Variants in LHFPL6 observed in about 807,000 individuals in gnomAD.
LHFPL6 encodes the protein LHFPL tetraspan subfamily member 6 protein.
LHFPL6 carries 9 observed loss-of-function variants against 20.6 expected under a neutral mutation model. The observed-to-expected ratio is 0.44, with a 90% CI of 0.26 to 0.76. The LOEUF (loss-of-function observed/expected upper bound fraction) is 0.76, where lower values mean the gene tolerates loss of function less well. Ranked by LOEUF, LHFPL6 falls within the 30% of genes least tolerant of loss-of-function variation. The pLI is 0.20. For missense variants in LHFPL6, 218 were observed against 253.5 expected (o/e 0.86, Z 0.95); for synonymous variants, 105 against 98.7 (o/e 1.06, Z -0.38).
At chr13:39,480,182 A>C (rs1239711917) in intron 2 of LHFPL6, among the ~76,000 whole-genome samples, 1 of 152,234 alleles carries the variant, frequency 6.6e-6, no homozygotes, top group Non-Finnish European at 1.5e-5. Flanking sequence ...ACAAAGTGTT[A>C]GAAAAGAACA....
At position 39,546,933 on chromosome 13, in the gene LHFPL6, T is replaced by G. The variant is rs186912017; in HGVS notation, c.385+53899A>C. Among the ~76,000 whole-genome samples, 99 of 152,194 alleles carry G rather than the reference T, an allele frequency of 6.5e-4. 2 individuals carry two copies. Among genetic ancestry groups the G allele is most frequent in the African/African-American group, 2.2e-3 (93 of 41,466 alleles). Reference sequence around the variant, plus strand: ...ACCCTTCAGCAAATTCCCATTGCTTTGAAGACTAAAGATCCTTAATATGGC... The same window carrying G: ...ACCCTTCAGCAAATTCCCATTGCTTGGAAGACTAAAGATCCTTAATATGGC... On this transcript the variant is annotated intron_variant, in intron 2 of 3. Transcript: ENST00000379589.
chr13:39,514,889 C>T (rs1016399531), intron 2 of LHFPL6, among the ~76,000 whole-genome samples: 2 of 152,230 alleles, frequency 1.3e-5, no homozygotes, highest in African/African-American at 4.8e-5. Flanking sequence ...GGCAGGGACT[C>T]TATCCCCCAC....
intron 2 of LHFPL6, among the ~76,000 whole-genome samples, chr13:39,499,728 G>C (rs1869228744): frequency 6.6e-6 from 1 of 152,238 alleles, no homozygotes; most frequent in African/African-American, 2.4e-5. Flanking sequence ...AGCTGGCACA[G>C]AGATGGTAAG....
At chr13:39,409,813 G>T (rs1438494687) in intron 2 of LHFPL6, among the ~76,000 whole-genome samples, 2 of 152,194 alleles carry the variant, frequency 1.3e-5, no homozygotes, top group African/African-American at 4.8e-5. Context: ...AAAAGGAAAA[G>T]AAACAATTCC....
intron 3 of LHFPL6, among the ~76,000 whole-genome samples, chr13:39,365,153 C>T (rs1039832695): frequency 6.6e-6 from 1 of 152,122 alleles, no homozygotes; most frequent in Non-Finnish European, 1.5e-5. Context: ...CATGGACTGC[C>T]CAGAAGACAG....
At chr13:39,518,650 C>T (rs1870005937) in intron 2 of LHFPL6, among the ~76,000 whole-genome samples, 1 of 152,160 alleles carries the variant, frequency 6.6e-6, no homozygotes, top group African/African-American at 2.4e-5. Context: ...TCTCTAAAGG[C>T]CACACCTGTG....
At chr13:39,404,784 A>G (rs1221575671) in intron 2 of LHFPL6, among the ~76,000 whole-genome samples, 2 of 152,112 alleles carry the variant, frequency 1.3e-5, no homozygotes, top group East Asian at 3.9e-4. Context: ...TGCCTCCTAG[A>G]TGGTGTACCC....
chr13:39,526,181 G>C (rs558854769), intron 2 of LHFPL6, among the ~76,000 whole-genome samples: 46 of 152,234 alleles, frequency 3.0e-4, no homozygotes, highest in Non-Finnish European at 4.4e-4. Context: ...TAAGCCCCAG[G>C]AACTTATTCA....
intron 2 of LHFPL6, among the ~76,000 whole-genome samples, chr13:39,472,209 T>C (rs1426640206): frequency 2.0e-5 from 3 of 152,196 alleles, no homozygotes; most frequent in South Asian, 2.1e-4. Context: ...AAATATATAC[T>C]ACCCGGCCAT....
intron 2 of LHFPL6, among the ~76,000 whole-genome samples, chr13:39,467,699 C>A (rs538443666): frequency 6.6e-6 from 1 of 152,176 alleles, no homozygotes; most frequent in Non-Finnish European, 1.5e-5. Flanking sequence ...AAACACCACA[C>A]CTAGGGCCCA....
intron 2 of LHFPL6, among the ~76,000 whole-genome samples, chr13:39,410,430 T>A (rs1871219008): frequency 6.6e-6 from 1 of 152,178 alleles, no homozygotes; most frequent in East Asian, 1.9e-4. Flanking sequence ...AGTATCCCCA[T>A]GGAACACCAC....
intron 2 of LHFPL6, among the ~76,000 whole-genome samples, chr13:39,528,201 A>T: frequency 6.6e-6 from 1 of 152,176 alleles, no homozygotes; most frequent in East Asian, 1.9e-4. Flanking sequence ...CGCCCAGGCC[A>T]GCTCCATACA....
chr13:39,573,722 GA>G (rs550926072), intron 2 of LHFPL6, among the ~76,000 whole-genome samples: 9 of 146,182 alleles, frequency 6.2e-5, no homozygotes, highest in Non-Finnish European at 9.1e-5. Flanking sequence ...AATAACTAAA[GA>G]AAAAAAAAGA....
At chr13:39,523,744 T>C (rs1231079929) in intron 2 of LHFPL6, among the ~76,000 whole-genome samples, 1 of 152,194 alleles carries the variant, frequency 6.6e-6, no homozygotes, top group Non-Finnish European at 1.5e-5. Flanking sequence ...TGCTCTGCTC[T>C]CTAACTAGGT....
chr13:39,552,802 T>C (rs1871177927), intron 2 of LHFPL6, among the ~76,000 whole-genome samples: 1 of 152,194 alleles, frequency 6.6e-6, no homozygotes, highest in African/African-American at 2.4e-5. Context: ...CACAGTTACA[T>C]ATTTAGCCAG....
At chr13:39,345,210 G>A (rs1032211887) in intron 3 of LHFPL6, among the ~76,000 whole-genome samples, 2 of 151,956 alleles carry the variant, frequency 1.3e-5, no homozygotes, top group African/African-American at 4.8e-5. Context: ...GAACATAAAG[G>A]CCATAGATTG....
At chr13:39,465,404 T>G (rs1267064968) in intron 2 of LHFPL6, among the ~76,000 whole-genome samples, 2 of 152,146 alleles carry the variant, frequency 1.3e-5, no homozygotes, top group African/African-American at 4.8e-5. Context: ...CTCTGTGACC[T>G]CCAAATAACT....
Position 39,557,113 on chromosome 13 carries a change from T to C in LHFPL6, c.385+43719A>G, listed in dbSNP as rs1012775941. On this transcript the variant is annotated intron_variant, in intron 2 of 3. Transcript: ENST00000379589. ...ACTAAAAGGGTGCCAAGTGTTACTA[T>C]CCAAGACAACAAGAAAAAGGCCTAG... is the stretch of plus-strand genomic sequence containing the variant. 2.6e-5 allele frequency among the ~76,000 whole-genome samples: 4 copies of C among 152,260 alleles called. No homozygotes were observed. The East Asian group carries it at 5.8e-4, about 22-fold the overall frequency.
intron 2 of LHFPL6, among the ~76,000 whole-genome samples, chr13:39,571,084 A>G (rs1361372012): frequency 6.6e-6 from 1 of 152,196 alleles, no homozygotes; most frequent in Non-Finnish European, 1.5e-5. Flanking sequence ...GAAATGCTGA[A>G]AGATGCCTCA....
Sources: allele counts gnomAD v4.1 joint callset (sites outside exome capture counted in the v4.1 genomes callset), GRCh38; gene constraint gnomAD v4.1.1; transcripts MANE v1.5; gene names NCBI Gene and HGNC (gene_info 2026-07-23, HGNC 2026-07-21).